The following SLC13A4 variants were observed in gnomAD, a reference collection of about 807,000 sequenced individuals.
SLC13A4 encodes the protein solute carrier family 13 member 4.
SLC13A4 carries 28 observed loss-of-function variants against 72.7 expected under a neutral mutation model. The observed-to-expected ratio is 0.39, with a 90% CI of 0.29 to 0.53. SLC13A4 has a LOEUF of 0.53. Ranked by LOEUF, SLC13A4 falls within the 20% of genes least tolerant of loss-of-function variation. SLC13A4 has a pLI of 0.78. For synonymous variants in SLC13A4, 312 were observed against 325.5 expected (o/e 0.96, Z 0.45); for missense variants, 653 against 788.0 (o/e 0.83, Z 2.05).
intron 14 of SLC13A4, 83 bp from the exon 15 acceptor site, chr7:135,684,344 G>T: frequency 6.7e-7 from 1 of 1,493,166 alleles, no homozygotes; most frequent in South Asian, 1.3e-5. Context: ...CTTTAATGAT[G>T]ACTTGGTGCT....
intron 8 of SLC13A4, among the ~76,000 whole-genome samples, chr7:135,699,121 T>C (rs1795973244): frequency 1.3e-5 from 2 of 152,058 alleles, no homozygotes; most frequent in African/African-American, 4.8e-5. Context: ...TTAAATGTTT[T>C]CTAGAGACAG....
rs751906640 is a variant in SLC13A4 at position 135,706,154 on chromosome 7, G to A, written c.512C>T (p.Ser171Phe). 2 of 1,606,286 alleles carry A rather than the reference G, an allele frequency of 1.2e-6. No individual in the cohort carries two copies. The highest frequency in any genetic ancestry group is 8.5e-7 in the Non-Finnish European group (1 of 1,173,974). The change falls in exon 4 of 16, where the codon TCC becomes TTC. Residue 171 changes from serine to phenylalanine, a missense_variant. By Grantham distance (155) the Ser-to-Phe change is radical. Transcript: ENST00000682651. ...GATGGGTTCGGCCTCTTCGGTGTTG[G>A]AGTTGCCCGCCACGAGCTGCTCGTC... The part of the protein sequence containing the change: ...AEDEQLVAGN[S>F]NTEEAEPISL...
At chr7:135,685,844 C>T (rs944124135) in intron 13 of SLC13A4, among the ~76,000 whole-genome samples, 161 bp from the exon 14 acceptor site, 2 of 152,198 alleles carry the variant, frequency 1.3e-5, no homozygotes, top group Non-Finnish European at 1.5e-5. Flanking sequence ...TTTTATGGTT[C>T]GATCATTTTT....
In SLC13A4 at chr7:135,701,718, C is replaced by T; in HGVS notation, c.676G>A (p.Ala226Thr). 1 of 1,613,818 alleles carries T rather than the reference C, an allele frequency of 6.2e-7. No individual in the cohort carries two copies. The highest frequency in any genetic ancestry group is 8.5e-7 in the Non-Finnish European group (1 of 1,179,888). ...TGCTTCTTGCCCTGGTGTTGGTTTG[C>T]AGTTTTGATGGGGTTGGTGATCGAG... Reference protein sequence around the residue: ...VPSITNPIKTANQHQGKKQHP... With the variant: ...VPSITNPIKTTNQHQGKKQHP... Residue 226 changes from alanine (A) to threonine (T), a missense_variant, in exon 7 of 16, where the codon GCA becomes ACA. Coordinates refer to ENST00000682651, the MANE Select transcript of SLC13A4 (RefSeq NM_001318192.2).
At chr7:135,716,657 G>T (rs1296006486) in intron 2 of SLC13A4, among the ~76,000 whole-genome samples, 1 of 152,142 alleles carries the variant, frequency 6.6e-6, no homozygotes, top group Non-Finnish European at 1.5e-5. Flanking sequence ...CATTGCCTGG[G>T]GGGTTAAGAG....
intron 5 of SLC13A4, 142 bp from the exon 6 acceptor site, chr7:135,703,026 T>G: frequency 9.6e-6 from 6 of 626,286 alleles, no homozygotes; most frequent in Middle Eastern, 4.0e-4. Flanking sequence ...GACTAATCTC[T>G]CCCTTGTCTT....
chr7:135,700,595 C>T (rs1403104448), intron 7 of SLC13A4, among the ~76,000 whole-genome samples: 1 of 152,194 alleles, frequency 6.6e-6, no homozygotes, highest in Non-Finnish European at 1.5e-5. Flanking sequence ...TTTCCACAAT[C>T]CTTTCTTCTA....
At position 135,719,697 on chromosome 7, in the gene SLC13A4, A is replaced by G. The variant is rs200790746; in HGVS notation, c.228+1698T>C. Among the ~76,000 whole-genome samples the G allele has an allele frequency of 6.6e-5, 10 of 152,064 alleles. No homozygotes were observed. In the East Asian group the frequency reaches 9.7e-4, roughly 15 times the overall value. On this transcript the variant is annotated intron_variant, in intron 2 of 15. Transcript: ENST00000682651. The stretch of plus-strand genomic sequence containing the variant: ...TCCCCACGATATTGGGGTTGTACCC[A>G]TCTCCAGGAATGAAAGCACTGCTGA...
chr7:135,683,510 T>C, intron 15 of SLC13A4: 1 of 984,994 alleles, frequency 1.0e-6, no homozygotes, highest in Non-Finnish European at 1.2e-6. Flanking sequence ...ATACTAAGTA[T>C]AGCAGCAGGT....
chr7:135,694,686 A>C (rs1418850800), intron 9 of SLC13A4, among the ~76,000 whole-genome samples: 1 of 152,226 alleles, frequency 6.6e-6, no homozygotes, highest in Non-Finnish European at 1.5e-5. Context: ...ACAAACACAC[A>C]AACATCTGCG....
intron 9 of SLC13A4, 27 bp from the exon 10 acceptor site, chr7:135,694,265 TAA>T: frequency 1.5e-6 from 2 of 1,374,182 alleles, no homozygotes; most frequent in Non-Finnish European, 2.1e-6. Flanking sequence ...AGCAAATGAT[TAA>T]AGAAAACACA....
intron 2 of SLC13A4, among the ~76,000 whole-genome samples, chr7:135,711,539 T>G (rs967862866): frequency 2.6e-5 from 4 of 152,118 alleles, no homozygotes; most frequent in African/African-American, 9.7e-5. Flanking sequence ...CGTATCTCAG[T>G]TTACTGATGA....
intron 5 of SLC13A4, chr7:135,704,412 C>G (rs1410338508): frequency 6.6e-6 from 1 of 152,410 alleles, no homozygotes; most frequent in Non-Finnish European, 1.5e-5. Context: ...CTCAATAGCC[C>G]CCATCCAGAC....
intron 2 of SLC13A4, among the ~76,000 whole-genome samples, chr7:135,715,534 AGT>A (rs57337353): frequency 6.6e-6 from 1 of 151,534 alleles, no homozygotes; most frequent in South Asian, 2.1e-4. Context: ...AGTGTGTGCC[AGT>A]GTGTGTGCTG....
At chr7:135,682,193 T>A (rs1795518886) in intron 15 of SLC13A4, among the ~76,000 whole-genome samples, 2 of 152,108 alleles carry the variant, frequency 1.3e-5, no homozygotes, top group African/African-American at 4.8e-5. Flanking sequence ...GGGGAAACGG[T>A]TTAGCTGCCT....
intron 8 of SLC13A4, among the ~76,000 whole-genome samples, chr7:135,696,322 A>C (rs952442612): frequency 6.6e-6 from 1 of 151,872 alleles, no homozygotes; most frequent in Non-Finnish European, 1.5e-5. Flanking sequence ...CTCCGTCTTG[A>C]CCCTGCTCTA....
intron 7 of SLC13A4, among the ~76,000 whole-genome samples, chr7:135,700,061 C>G (rs976961529): frequency 6.6e-6 from 1 of 152,144 alleles, no homozygotes; most frequent in Non-Finnish European, 1.5e-5. Flanking sequence ...GTCCATCAAA[C>G]CCTGATGGAG....
rs1414998874 is a variant in SLC13A4, at chr7:135,692,318, C to A, written c.1223+5G>T. 1 of 1,604,240 alleles carries A rather than the reference C, an allele frequency of 6.2e-7. No individual in the cohort carries two copies. The highest frequency in any genetic ancestry group is 2.2e-5 in the East Asian group (1 of 44,844). Reference sequence around the variant, plus strand: ...TGTTCTTAAGGAGGAAATGATATCACTTACTTTTCAAAGAAAGAATCCCAG... The same window carrying A: ...TGTTCTTAAGGAGGAAATGATATCAATTACTTTTCAAAGAAAGAATCCCAG... On this transcript the variant is annotated splice_donor_5th_base_variant and intron_variant, in intron 11 of 15. Coordinates refer to ENST00000682651, the MANE Select transcript of SLC13A4 (RefSeq NM_001318192.2).
rs148837419 is a variant in SLC13A4, at chr7:135,681,594, G to A, written c.1853C>T (p.Ala618Val). ...TTGATCAGTGATGTTGCTGACCCTC[G>A]CCCATGCTGGGTAAGTGTCCAGGTG... is the stretch of plus-strand genomic sequence containing the variant. ...LFHLDTYPAW[A>V]RVSNITDQA The change falls in exon 16 of 16, where the codon GCG (alanine) becomes GTG (valine). Residue 618 changes from alanine to valine, a missense_variant. Transcript: ENST00000682651. The A allele has an allele frequency of 2.0e-5, 32 of 1,614,024 alleles. No individual in the cohort carries two copies. The highest frequency in any genetic ancestry group is 8.3e-5 in the Admixed American group (5 of 60,020).
Sources: allele counts gnomAD v4.1 joint callset (sites outside exome capture counted in the v4.1 genomes callset), GRCh38; gene constraint gnomAD v4.1.1; transcripts MANE v1.5; gene names NCBI Gene and HGNC (gene_info 2026-07-23, HGNC 2026-07-21).